Variants in INSR observed in about 807,000 individuals in gnomAD.
The protein encoded by INSR is IR.
A neutral mutation model predicts 142.6 loss-of-function variants in INSR; 67 were observed. The observed-to-expected ratio is 0.47, with a 90% confidence interval of 0.39 to 0.58. INSR has a LOEUF of 0.58. INSR is among the 20% of genes least tolerant of loss of function. The pLI is 0.00. For synonymous variants in INSR, 756 were observed against 743.1 expected (o/e 1.02, Z -0.28); for missense variants, 1,248 against 1,833.2 (o/e 0.68, Z 5.83).
At position 7,155,562 on chromosome 19, in the gene INSR, T is replaced by C. The variant is rs1312004190; in HGVS notation, c.2030-2635A>G. On this transcript the variant is annotated intron_variant, in intron 9 of 21. Coordinates refer to ENST00000302850, the MANE Select transcript of INSR (RefSeq NM_000208.4). ...TCTCAAAAAAAAAAAAAAAAATCTC[T>C]GGAAACCAATATAGCTGGAAGGGGG... Among the ~76,000 whole-genome samples the C allele has an allele frequency of 8.0e-5, 10 of 124,664 alleles. No individual in the cohort carries two copies. The East Asian group carries it at 1.2e-3, about 15-fold the overall frequency. The allele number at this position is 124,664 out of a possible 152,430, so 81.8% of individuals were successfully genotyped here.
At chr19:7,257,685 G>A (rs1002117220) in intron 2 of INSR, among the ~76,000 whole-genome samples, 6 of 151,778 alleles carry the variant, frequency 4.0e-5, no homozygotes, top group African/African-American at 1.5e-4. Context: ...AGAAAGGAAG[G>A]AGGGAAGAAA....
At chr19:7,135,165 C>G (rs1972880703) in intron 13 of INSR, among the ~76,000 whole-genome samples, 4 of 147,780 alleles carry the variant, frequency 2.7e-5, no homozygotes. Context: ...ACAAATCAGT[C>G]TGGTGGCAGG....
chr19:7,132,033 T>A, intron 14 of INSR, 125 bp downstream of exon 14: 1 of 1,171,032 alleles, frequency 8.5e-7, no homozygotes, highest in Non-Finnish European at 1.3e-6. Context: ...CCGCAGCAGC[T>A]GATAGGCCTG....
chr19:7,277,844 C>A (rs1968106700), intron 1 of INSR, among the ~76,000 whole-genome samples: 1 of 151,268 alleles, frequency 6.6e-6, no homozygotes, highest in Non-Finnish European at 1.5e-5. Context: ...GTAATCCCAG[C>A]ACTTCAGGAG....
chr19:7,194,368 G>C (rs1974680974), intron 2 of INSR, among the ~76,000 whole-genome samples: 1 of 151,786 alleles, frequency 6.6e-6, no homozygotes, highest in Non-Finnish European at 1.5e-5. Flanking sequence ...AGTCAGCCAA[G>C]ATCGTGCCAC....
At chr19:7,197,482 C>G (rs1319359695) in intron 2 of INSR, among the ~76,000 whole-genome samples, 1 of 146,982 alleles carries the variant, frequency 6.8e-6, no homozygotes, top group Non-Finnish European at 1.5e-5. Flanking sequence ...GCTAGAGCAG[C>G]CCCAGGATTG....
chr19:7,281,825 A>G (rs1295763118), intron 1 of INSR, among the ~76,000 whole-genome samples: 1 of 152,196 alleles, frequency 6.6e-6, no homozygotes, highest in Non-Finnish European at 1.5e-5. Flanking sequence ...CCACATTCCC[A>G]CAAAGGCAAA....
chr19:7,238,962 C>CAAAAAAAAAAAAA (rs71177185), intron 2 of INSR, among the ~76,000 whole-genome samples: 1 of 77,890 alleles, frequency 1.3e-5, no homozygotes, highest in Non-Finnish European at 2.2e-5. Flanking sequence ...GATGAATTCT[C>CAAAAAAAAAAAAA]AAAAAAAAAA....
intron 3 of INSR, among the ~76,000 whole-genome samples, chr19:7,177,585 T>C (rs1242756539): frequency 1.3e-5 from 2 of 151,954 alleles, no homozygotes; most frequent in African/African-American, 4.8e-5. Context: ...TGGAGTACAA[T>C]GGCACGATCT....
At chr19:7,211,929 C>T (rs142634732) in intron 2 of INSR, among the ~76,000 whole-genome samples, 71 of 140,740 alleles carry the variant, frequency 5.0e-4, no homozygotes, top group African/African-American at 2.2e-3. Context: ...CTGGTAATGC[C>T]GGGGCCGTTT....
intron 1 of INSR, among the ~76,000 whole-genome samples, chr19:7,273,157 C>G (rs569447437): frequency 1.3e-5 from 2 of 152,202 alleles, no homozygotes; most frequent in Non-Finnish European, 2.9e-5. Context: ...AATTCTGTCT[C>G]ACTAAAGTTG....
At chr19:7,126,390 T>A (rs1469251150) in intron 16 of INSR, among the ~76,000 whole-genome samples, 194 bp downstream of exon 16, 2 of 152,196 alleles carry the variant, frequency 1.3e-5, no homozygotes, top group African/African-American at 4.8e-5. Context: ...TTCAGGCAGG[T>A]GCCAAATACC....
intron 9 of INSR, 33 bp downstream of exon 9, chr19:7,162,989 GTGTGCAAACC>G: frequency 6.2e-7 from 1 of 1,605,460 alleles, no homozygotes; most frequent in South Asian, 1.1e-5. Context: ...TCAGACACAC[GTGTGCAAACC>G]CCACCGATCC....
chr19:7,136,848 T>TATATATATATATATATATATATATATA (rs71177159), intron 13 of INSR, among the ~76,000 whole-genome samples: 30 of 143,134 alleles, frequency 2.1e-4, no homozygotes, highest in African/African-American at 5.0e-4. Flanking sequence ...TATATATATA[T>TATATATATATATATATATATATATATA]TGAGATGGTG....
intron 14 of INSR, among the ~76,000 whole-genome samples, chr19:7,131,904 G>A (rs1484251848): frequency 6.6e-6 from 1 of 151,448 alleles, no homozygotes; most frequent in African/African-American, 2.4e-5. Context: ...AGGCTGAGGT[G>A]GGAGAATCAC....
At chr19:7,228,380 A>C (rs2145119138) in intron 2 of INSR, among the ~76,000 whole-genome samples, 1 of 152,352 alleles carries the variant, frequency 6.6e-6, no homozygotes, top group East Asian at 1.9e-4. Flanking sequence ...GAGACAATCA[A>C]GATTTCATGA....
chr19:7,117,448 G>A (rs1972363233), intron 21 of INSR, 38 bp from the exon 22 acceptor site: 1 of 1,526,060 alleles, frequency 6.6e-7, no homozygotes, highest in South Asian at 1.2e-5. Flanking sequence ...TGAGTCTGGG[G>A]GCCCTGCCAC....
At chr19:7,164,610 G>A (rs1308050936) in intron 8 of INSR, among the ~76,000 whole-genome samples, 1 of 140,990 alleles carries the variant, frequency 7.1e-6, no homozygotes, top group Non-Finnish European at 1.5e-5. Context: ...CTGAGGCTCG[G>A]AGTTCGAGAC....
intron 2 of INSR, among the ~76,000 whole-genome samples, chr19:7,201,310 A>T (rs528909004): frequency 6.6e-6 from 1 of 152,280 alleles, no homozygotes; most frequent in South Asian, 2.1e-4. Flanking sequence ...TAATATTTCC[A>T]AAATTGTTAG....
Sources: allele counts gnomAD v4.1 joint callset (sites outside exome capture counted in the v4.1 genomes callset), GRCh38; gene constraint gnomAD v4.1.1; transcripts MANE v1.5; gene names NCBI Gene and HGNC (gene_info 2026-07-23, HGNC 2026-07-21).